ARFGAP3: variants seen among roughly 807,000 people sequenced by gnomAD.
ARFGAP3 encodes ARF GTPase activating protein 3, also known as ADP-ribosylation factor GTPase-activating protein 3.
A neutral mutation model predicts 75.0 loss-of-function variants in ARFGAP3; 72 were observed. That is an observed-to-expected ratio of 0.96 (90% CI 0.79 to 1.17). ARFGAP3 has a LOEUF of 1.17. Ranked by LOEUF, ARFGAP3 falls within the 50% of genes most tolerant of loss-of-function variation. The probability of loss-of-function intolerance (pLI) is 0.00; values close to 1 mark genes in which losing one functional copy is unlikely to be tolerated. For missense variants in ARFGAP3, 620 were observed against 626.6 expected, an observed-to-expected ratio of 0.99 and a Z score of 0.11; for synonymous variants, 221 against 217.9, an observed-to-expected ratio of 1.01 and a Z score of -0.13.
chr22:42,809,022 C>A, intron 12 of ARFGAP3, 132 bp from the exon 13 acceptor site: 3 of 1,089,138 alleles, frequency 2.8e-6, no homozygotes, highest in African/African-American at 1.6e-5. Context: ...TTTTAAAAGC[C>A]TGAAAATTCT....
chr22:42,831,515 G>A, intron 6 of ARFGAP3, 34 bp downstream of exon 6: 2 of 1,596,626 alleles, frequency 1.3e-6, no homozygotes, highest in East Asian at 2.2e-5. Context: ...CTGAACCATA[G>A]AATAGTATTA....
At position 42,817,224 on chromosome 22, in the gene ARFGAP3, C is replaced by T; in HGVS notation, c.982G>A (p.Glu328Lys). The part of the protein sequence containing the change: ...HSVTSDMQTI[E>K]QESPIMAKPR... The stretch of plus-strand genomic sequence containing the variant: ...TTTGCCATAATGGGTGATTCCTGCT[C>T]TATGGTCTGCATATCTGAAGTCACT... The change falls in exon 11 of 16, where the codon GAG becomes AAG. Residue 328 changes from glutamate (E) to lysine (K), a missense_variant. Glu to Lys is a moderately conservative substitution (Grantham distance 56). Transcript: ENST00000263245. 2 of 1,613,382 alleles carry T rather than the reference C, an allele frequency of 1.2e-6. No homozygotes were observed. The highest frequency in any genetic ancestry group is 1.7e-6 in the Non-Finnish European group (2 of 1,179,628).
In ARFGAP3 at chr22:42,818,447, T is replaced by C. The variant is rs570369384; in HGVS notation, c.813-590A>G. Reference sequence around the variant, plus strand: ...CAGCTAATAGACTCTTTAGCACTACTAGTCAGTCAAATACCACTCTTCTAT... The same window carrying C: ...CAGCTAATAGACTCTTTAGCACTACCAGTCAGTCAAATACCACTCTTCTAT... On this transcript the variant is annotated intron_variant, in intron 9 of 15. Transcript: ENST00000263245. 3.9e-5 allele frequency among the ~76,000 whole-genome samples: 6 copies of C among 152,270 alleles called. No homozygotes were observed. The South Asian group carries it at 1.2e-3, about 32-fold the overall frequency.
At chr22:42,817,448 T>G in intron 10 of ARFGAP3, 184 bp from the exon 11 acceptor site, 2 of 384,176 alleles carry the variant, frequency 5.2e-6, no homozygotes, top group Non-Finnish European at 7.1e-6. Flanking sequence ...TTGTGAGGAC[T>G]GTGTCTACAC....
At chr22:42,824,448 C>T (rs186771392) in intron 7 of ARFGAP3, among the ~76,000 whole-genome samples, 2 of 152,010 alleles carry the variant, frequency 1.3e-5, no homozygotes, top group Admixed American at 1.3e-4. Flanking sequence ...CATTGAACTC[C>T]TGTATTCAAG....
At chr22:42,812,477 A>G (rs1925410192) in intron 11 of ARFGAP3, among the ~76,000 whole-genome samples, 1 of 152,138 alleles carries the variant, frequency 6.6e-6, no homozygotes, top group Admixed American at 6.6e-5. Context: ...GATGAGCACC[A>G]AGCTCCGTGC....
At chr22:42,804,798 G>C (rs1027526486) in intron 14 of ARFGAP3, among the ~76,000 whole-genome samples, 1 of 152,104 alleles carries the variant, frequency 6.6e-6, no homozygotes, top group Non-Finnish European at 1.5e-5. Context: ...TTACAGGTGT[G>C]AGTCACCGTG....
At chr22:42,822,487 T>C in intron 8 of ARFGAP3, 78 bp from the exon 9 acceptor site, 1 of 1,544,860 alleles carries the variant, frequency 6.5e-7, no homozygotes, top group Non-Finnish European at 8.8e-7. Context: ...TCCTAAGGGT[T>C]AGGACCTGCC....
chr22:42,799,575 C>G (rs1204935063), intron 14 of ARFGAP3, among the ~76,000 whole-genome samples: 2 of 152,180 alleles, frequency 1.3e-5, no homozygotes, highest in Non-Finnish European at 2.9e-5. Context: ...GGTAACAGTA[C>G]TCCTCCCTTC....
chr22:42,822,292 C>T lies in ARFGAP3; in HGVS notation c.790G>A (p.Val264Met). 2 of 1,613,924 alleles carry T rather than the reference C, an allele frequency of 1.2e-6. No homozygotes were observed. Among genetic ancestry groups the T allele is most frequent in the African/African-American group, 1.3e-5 (1 of 74,974 alleles). Residue 264 changes from valine to methionine, a missense_variant, in exon 9 of 16, where the codon GTG (valine) becomes ATG (methionine). Val to Met is a conservative substitution (Grantham distance 21, BLOSUM62 1). Coordinates refer to ENST00000263245, the MANE Select transcript of ARFGAP3 (RefSeq NM_014570.5). ...TACATTGATTCTTCTTTAGATACCA[C>T]CTTGGCCAGGTCTTCCTGCTCCTTC... The part of the protein sequence containing the change: ...KMKEQEDLAK[V>M]VSKEESIVSS...
chr22:42,854,968 C>G (rs890544059), intron 1 of ARFGAP3, among the ~76,000 whole-genome samples: 4 of 152,192 alleles, frequency 2.6e-5, no homozygotes, highest in Non-Finnish European at 5.9e-5. Flanking sequence ...AAATTTTTCA[C>G]AGGTGTGTTC....
intron 4 of ARFGAP3, 96 bp downstream of exon 4, chr22:42,835,266 C>T: frequency 1.5e-5 from 21 of 1,418,694 alleles, no homozygotes; most frequent in Non-Finnish European, 2.0e-5. Flanking sequence ...TGTAAGACAA[C>T]TCAGGTAGAA....
At chr22:42,854,608 G>A (rs5751388) in intron 1 of ARFGAP3, among the ~76,000 whole-genome samples, 57,808 of 151,228 alleles carry the variant, frequency 0.38, 11,711 homozygotes, top group Non-Finnish European at 0.45. Context: ...CTGGACAACA[G>A]AGCTAGACTG....
intron 2 of ARFGAP3, chr22:42,847,204 G>T: frequency 2.4e-5 from 5 of 207,314 alleles, no homozygotes; most frequent in South Asian, 8.7e-5. Flanking sequence ...GTCTTACTCT[G>T]TCGCCCAGGC....
chr22:42,799,118 A>G lies in ARFGAP3; in HGVS notation c.1454T>C (p.Met485Thr). ...LSSVLPNAPD[M>T]AQFKQGVRSV... ...TCTCACTCCCTGCTTGAACTGCGCC[A>G]TGTCGGGGGCGTTGGGCAGCACACT... The change falls in exon 15 of 16, where the codon ATG becomes ACG. Residue 485 changes from methionine to threonine, a missense_variant. Met to Thr is a moderately conservative substitution (Grantham distance 81). Transcript: ENST00000263245. The G allele has an allele frequency of 6.2e-7, 1 of 1,614,160 alleles. No homozygotes were observed. Among genetic ancestry groups the G allele is most frequent in the Non-Finnish European group, 8.5e-7 (1 of 1,180,018 alleles).
chr22:42,798,794 G>A (rs957836696), intron 15 of ARFGAP3, among the ~76,000 whole-genome samples: 67 of 151,976 alleles, frequency 4.4e-4, no homozygotes, highest in African/African-American at 1.6e-3. Context: ...TTCCAATCTA[G>A]GAAAAAAACT....
chr22:42,836,292 G>A (rs1926519548), intron 3 of ARFGAP3, among the ~76,000 whole-genome samples: 1 of 151,928 alleles, frequency 6.6e-6, no homozygotes, highest in Non-Finnish European at 1.5e-5. Flanking sequence ...TTTGTTTTTT[G>A]AGATGGTCTG....
intron 1 of ARFGAP3, among the ~76,000 whole-genome samples, chr22:42,854,284 A>C (rs1165896511): frequency 6.6e-6 from 1 of 152,220 alleles, no homozygotes; most frequent in African/African-American, 2.4e-5. Context: ...AATCTATATA[A>C]AAGTAAGGAA....
At chr22:42,841,395 C>A (rs540479590) in intron 2 of ARFGAP3, among the ~76,000 whole-genome samples, 1 of 152,164 alleles carries the variant, frequency 6.6e-6, no homozygotes, top group Non-Finnish European at 1.5e-5. Context: ...CCAGTTTGAT[C>A]GCTACCAGAA....
Sources: allele counts gnomAD v4.1 joint callset (sites outside exome capture counted in the v4.1 genomes callset), GRCh38; gene constraint gnomAD v4.1.1; transcripts MANE v1.5; gene names NCBI Gene and HGNC (gene_info 2026-07-23, HGNC 2026-07-21).